CNTNAP2: variants seen among roughly 807,000 people sequenced by gnomAD.
CNTNAP2 encodes the protein contactin-associated protein-like 2.
A neutral mutation model predicts 155.2 loss-of-function variants in CNTNAP2; 98 were observed. The observed-to-expected ratio is 0.63, with a 90% confidence interval of 0.54 to 0.75. The LOEUF (loss-of-function observed/expected upper bound fraction) is 0.75, where lower values mean the gene tolerates loss of function less well. Among genes scored for constraint, CNTNAP2 ranks in the 30% least tolerant of loss-of-function variants. The probability of loss-of-function intolerance (pLI) is 0.00; values close to 1 mark genes in which losing one functional copy is unlikely to be tolerated. For missense variants in CNTNAP2, 1,727 were observed against 1,688.1 expected (o/e 1.02, Z -0.40); for synonymous variants, 651 against 631.2 (o/e 1.03, Z -0.47).
rs1429082801 is a variant in CNTNAP2 at position 148,365,992 on chromosome 7, GTATGCATGTA to G, written c.3476-17655_3476-17646del. Among the ~76,000 whole-genome samples, 2 of 1,944 alleles carry G rather than the reference GTATGCATGTA, an allele frequency of 1.0e-3. 1 individual carries two copies. The highest frequency in any genetic ancestry group is 1.2e-3 in the African/African-American group (2 of 1,680). The allele number at this position is 1,944 out of a possible 152,430, so 1.3% of individuals were successfully genotyped here. A position where few individuals can be genotyped will look rare whatever the true frequency, so the allele number is the denominator to read the frequency against. ...TGTGTGTATGCATGTATACATGTGT[GTATGCATGTA>G]TGCATGTGTGTATGCATGTATGCAT... On this transcript the variant is annotated intron_variant, in intron 21 of 23. Transcript: ENST00000361727.
At chr7:147,878,990 A>C in intron 13 of CNTNAP2, among the ~76,000 whole-genome samples, 1 of 152,168 alleles carries the variant, frequency 6.6e-6, no homozygotes, top group East Asian at 1.9e-4. Context: ...ACAATGACAC[A>C]CACTTCTGTT....
intron 8 of CNTNAP2, among the ~76,000 whole-genome samples, chr7:147,142,854 G>A (rs969628161): frequency 1.3e-5 from 2 of 151,956 alleles, no homozygotes; most frequent in African/African-American, 2.4e-5. Context: ...CCTACTTTGC[G>A]TCATATTGAC....
intron 1 of CNTNAP2, among the ~76,000 whole-genome samples, chr7:146,562,075 C>T (rs777396065): frequency 6.6e-6 from 1 of 152,242 alleles, no homozygotes; most frequent in African/African-American, 2.4e-5. Context: ...CAGCATGAGC[C>T]GCTGCACCCG....
intron 19 of CNTNAP2, among the ~76,000 whole-genome samples, chr7:148,224,380 G>A (rs1382897968): frequency 6.6e-6 from 1 of 152,186 alleles, no homozygotes; most frequent in Non-Finnish European, 1.5e-5. Flanking sequence ...AGAAGTAGGA[G>A]CAGCATATTC....
intron 13 of CNTNAP2, among the ~76,000 whole-genome samples, chr7:147,814,781 A>C (rs1273462077): frequency 6.6e-6 from 1 of 152,174 alleles, no homozygotes; most frequent in Non-Finnish European, 1.5e-5. Context: ...TTCATCCTAT[A>C]AATGATCTAT....
At chr7:146,917,643 T>G (rs1210867711) in intron 3 of CNTNAP2, among the ~76,000 whole-genome samples, 4 of 152,116 alleles carry the variant, frequency 2.6e-5, no homozygotes, top group Non-Finnish European at 1.5e-5. Context: ...TTCCCACATG[T>G]TGTGGGAGGG....
At chr7:146,340,980 T>G (rs1429612460) in intron 1 of CNTNAP2, among the ~76,000 whole-genome samples, 1 of 152,190 alleles carries the variant, frequency 6.6e-6, no homozygotes, top group Non-Finnish European at 1.5e-5. Flanking sequence ...TCCTAGATTA[T>G]CTATTGAAAT....
chr7:147,909,592 C>A (rs1318554805), intron 14 of CNTNAP2, among the ~76,000 whole-genome samples: 3 of 152,126 alleles, frequency 2.0e-5, no homozygotes, highest in Non-Finnish European at 4.4e-5. Flanking sequence ...TTATGATTTA[C>A]TATTCACAGC....
rs570484905 is a variant in CNTNAP2 at position 146,289,693 on chromosome 7, A to T, written c.97+172720A>T. 4.9e-4 allele frequency among the ~76,000 whole-genome samples: 75 copies of T among 152,294 alleles called. 1 individual carries two copies. The highest frequency in any genetic ancestry group is 1.7e-3 in the African/African-American group (71 of 41,574). On this transcript the variant is annotated intron_variant, in intron 1 of 23. Transcript: ENST00000361727. ...TCCAAATCGTATTTAAAATTAATTT[A>T]CTCTTTTATCAGAACAAAGAAAATT...
chr7:147,442,727 C>T (rs1199647516), intron 10 of CNTNAP2, among the ~76,000 whole-genome samples: 1 of 152,072 alleles, frequency 6.6e-6, no homozygotes, highest in Admixed American at 6.5e-5. Flanking sequence ...GTGAATAAAT[C>T]CTGTCAGGAC....
chr7:148,023,593 A>C (rs1466988088), intron 15 of CNTNAP2, among the ~76,000 whole-genome samples: 1 of 152,098 alleles, frequency 6.6e-6, no homozygotes, highest in Non-Finnish European at 1.5e-5. Context: ...TAAACGCTTC[A>C]TTTCACACTG....
chr7:148,257,690 C>T (rs1212844344), intron 20 of CNTNAP2, among the ~76,000 whole-genome samples: 1 of 152,144 alleles, frequency 6.6e-6, no homozygotes, highest in Non-Finnish European at 1.5e-5. Context: ...AATCAAGACT[C>T]TCAGAGCAGA....
chr7:146,319,286 A>G (rs1800960421), intron 1 of CNTNAP2, among the ~76,000 whole-genome samples: 1 of 152,194 alleles, frequency 6.6e-6, no homozygotes, highest in African/African-American at 2.4e-5. Context: ...AGTCATGTAT[A>G]TAGATCCACA....
At position 147,143,745 on chromosome 7, in the gene CNTNAP2, T is replaced by G. The variant is rs141341085; in HGVS notation, c.1348+11236T>G. Among the ~76,000 whole-genome samples the G allele has an allele frequency of 4.3e-3, 662 of 152,286 alleles. 6 individuals are homozygous for G. The highest frequency in any genetic ancestry group is 0.015 in the African/African-American group (631 of 41,568). ...GTGTGAAATTGATCAGGAATTAAAT[T>G]TTAATTTGATACTTTTATAATAAGA... On this transcript the variant is annotated intron_variant, in intron 8 of 23. Coordinates refer to ENST00000361727, the MANE Select transcript of CNTNAP2 (RefSeq NM_014141.6).
chr7:148,110,171 A>T (rs1804316097), intron 15 of CNTNAP2, among the ~76,000 whole-genome samples: 1 of 151,952 alleles, frequency 6.6e-6, no homozygotes, highest in African/African-American at 2.4e-5. Flanking sequence ...TTTAATATTT[A>T]ACTTAACCAT....
intron 1 of CNTNAP2, among the ~76,000 whole-genome samples, chr7:146,186,049 T>C (rs1434341914): frequency 6.6e-6 from 1 of 152,122 alleles, no homozygotes; most frequent in Non-Finnish European, 1.5e-5. Flanking sequence ...TATTGCGTAA[T>C]AGATGTGTCA....
At chr7:147,015,984 G>A (rs1485163264) in intron 3 of CNTNAP2, among the ~76,000 whole-genome samples, 3 of 152,012 alleles carry the variant, frequency 2.0e-5, no homozygotes, top group Non-Finnish European at 1.5e-5. Flanking sequence ...GAAGTATATC[G>A]TGTGGCAAAA....
intron 17 of CNTNAP2, among the ~76,000 whole-genome samples, chr7:148,163,240 A>G (rs1805585012): frequency 6.6e-6 from 1 of 152,222 alleles, no homozygotes; most frequent in African/African-American, 2.4e-5. Context: ...CTTACTGGCT[A>G]TATGACAGCA....
At chr7:146,319,523 A>G (rs569266234) in intron 1 of CNTNAP2, among the ~76,000 whole-genome samples, 1 of 152,306 alleles carries the variant, frequency 6.6e-6, no homozygotes, top group Admixed American at 6.5e-5. Flanking sequence ...GACAAAATAT[A>G]CTCAACTCAC....
Sources: allele counts gnomAD v4.1 joint callset (sites outside exome capture counted in the v4.1 genomes callset), GRCh38; gene constraint gnomAD v4.1.1; transcripts MANE v1.5; gene names NCBI Gene and HGNC (gene_info 2026-07-23, HGNC 2026-07-21).